Variants in GPR39 observed in about 807,000 individuals in gnomAD.
GPR39 encodes G protein-coupled receptor 39.
A neutral mutation model predicts 18.4 loss-of-function variants in GPR39; 23 were observed. The observed-to-expected ratio is 1.25, with a 90% CI of 0.90 to 1.77. The LOEUF (loss-of-function observed/expected upper bound fraction) is 1.77. GPR39 is among the 40% of genes most tolerant of loss of function. The pLI is 0.00. For missense variants in GPR39, 647 were observed against 602.4 expected (o/e 1.07, Z -0.78); for synonymous variants, 280 against 257.9 (o/e 1.09, Z -0.82).
At chr2:132,634,111 A>G (rs946170315) in intron 1 of GPR39, among the ~76,000 whole-genome samples, 6 of 145,364 alleles carry the variant, frequency 4.1e-5, no homozygotes, top group Non-Finnish European at 7.4e-5. Context: ...GGTGATGATG[A>G]TGGTGGCCAT....
At chr2:132,439,877 C>G (rs188902065) in intron 1 of GPR39, among the ~76,000 whole-genome samples, 8 of 152,324 alleles carry the variant, frequency 5.3e-5, no homozygotes, top group Admixed American at 3.9e-4. Context: ...CACCGCTGGA[C>G]TGCTTGTGCT....
chr2:132,533,882 A>C (rs1408743805), intron 1 of GPR39, among the ~76,000 whole-genome samples: 1 of 152,234 alleles, frequency 6.6e-6, no homozygotes, highest in East Asian at 1.9e-4. Context: ...CTAAAACCAT[A>C]AAAACCCTAG....
chr2:132,477,528 T>A (rs973447204), intron 1 of GPR39, among the ~76,000 whole-genome samples: 7 of 151,972 alleles, frequency 4.6e-5, no homozygotes, highest in Non-Finnish European at 1.0e-4. Flanking sequence ...AATGTGCCAA[T>A]GCACTCCAGC....
chr2:132,503,904 C>T (rs1250399700), intron 1 of GPR39, among the ~76,000 whole-genome samples: 1 of 152,192 alleles, frequency 6.6e-6, no homozygotes, highest in African/African-American at 2.4e-5. Context: ...TAGGCCTCAC[C>T]CTGCTCCAAG....
At chr2:132,428,327 G>C (rs1043479739) in intron 1 of GPR39, among the ~76,000 whole-genome samples, 2 of 152,190 alleles carry the variant, frequency 1.3e-5, no homozygotes, top group African/African-American at 4.8e-5. Context: ...AGATCAAAAT[G>C]CTGGTTCCTC....
intron 1 of GPR39, among the ~76,000 whole-genome samples, chr2:132,555,811 T>A (rs142673832): frequency 1.3e-5 from 2 of 152,338 alleles, no homozygotes; most frequent in East Asian, 3.9e-4. Context: ...AATTTGTTGA[T>A]GACATGATTG....
intron 1 of GPR39, among the ~76,000 whole-genome samples, chr2:132,513,915 A>C (rs1558822463): frequency 6.6e-6 from 1 of 152,166 alleles, no homozygotes; most frequent in Non-Finnish European, 1.5e-5. Context: ...GGTTTTTGCC[A>C]TATTGCCTAG....
intron 1 of GPR39, among the ~76,000 whole-genome samples, chr2:132,554,656 G>A (rs970266414): frequency 4.6e-5 from 7 of 152,272 alleles, no homozygotes; most frequent in Non-Finnish European, 1.0e-4. Flanking sequence ...AAAAGCCAAG[G>A]AAGTATGTCA....
intron 1 of GPR39, among the ~76,000 whole-genome samples, chr2:132,611,616 G>C (rs1399302889): frequency 7.5e-6 from 1 of 133,540 alleles, no homozygotes; most frequent in African/African-American, 3.0e-5. Flanking sequence ...AAGACCTGGA[G>C]TTTGATTTGC....
intron 1 of GPR39, among the ~76,000 whole-genome samples, chr2:132,607,893 A>G (rs754396371): frequency 4.6e-5 from 7 of 152,234 alleles, no homozygotes; most frequent in Non-Finnish European, 8.8e-5. Context: ...GTTTCAAAAC[A>G]GTGAGGATCT....
At chr2:132,535,712 G>GTTTTTTTTTTTTTTTTTTTTTTT (rs1553454959) in intron 1 of GPR39, among the ~76,000 whole-genome samples, 1 of 49,022 alleles carries the variant, frequency 2.0e-5, no homozygotes, top group African/African-American at 8.5e-5. Context: ...TTTTTGGTTG[G>GTTTTTTTTTTTTTTTTTTTTTTT]TAGGCTATTA....
chr2:132,596,406 C>T (rs574313516), intron 1 of GPR39, among the ~76,000 whole-genome samples: 1 of 151,844 alleles, frequency 6.6e-6, no homozygotes, highest in Non-Finnish European at 1.5e-5. Context: ...TGGTGTTCTT[C>T]CTCTTCTTTC....
chr2:132,585,891 G>A lies in GPR39; in HGVS notation c.857-59210G>A, dbSNP rs912390262. Among the ~76,000 whole-genome samples, 3 of 151,788 alleles carry A rather than the reference G, an allele frequency of 2.0e-5. No homozygotes were observed. The South Asian group carries it at 6.3e-4, about 32-fold the overall frequency. ...ATGTTGTTGTTATCGTGGGGTACCCGAGGGGGCCAAAGAGAGAAATCAACA... is the reference window on the plus strand; with the variant it reads ...ATGTTGTTGTTATCGTGGGGTACCCAAGGGGGCCAAAGAGAGAAATCAACA... On this transcript the variant is annotated intron_variant, in intron 1 of 1. Coordinates refer to ENST00000329321, the MANE Select transcript of GPR39 (RefSeq NM_001508.3).
intron 1 of GPR39, among the ~76,000 whole-genome samples, chr2:132,430,489 G>A (rs1391979264): frequency 1.3e-5 from 2 of 152,202 alleles, no homozygotes; most frequent in East Asian, 3.8e-4. Flanking sequence ...AGTATGGGAG[G>A]TAGCTCACTG....
chr2:132,492,988 A>G (rs1027453517), intron 1 of GPR39, among the ~76,000 whole-genome samples: 22 of 141,320 alleles, frequency 1.6e-4, no homozygotes, highest in Non-Finnish European at 3.0e-4. Context: ...CCATATATAC[A>G]CCATAGATAT....
intron 1 of GPR39, among the ~76,000 whole-genome samples, chr2:132,571,314 T>C (rs1680437563): frequency 6.6e-6 from 1 of 152,190 alleles, no homozygotes; most frequent in African/African-American, 2.4e-5. Flanking sequence ...TGAATTGGTA[T>C]GTAAATTCAG....
At chr2:132,511,319 C>T (rs1277087668) in intron 1 of GPR39, among the ~76,000 whole-genome samples, 2 of 152,104 alleles carry the variant, frequency 1.3e-5, no homozygotes, top group Non-Finnish European at 2.9e-5. Context: ...AAACTGTGTG[C>T]TTCACTTGGC....
intron 1 of GPR39, among the ~76,000 whole-genome samples, chr2:132,607,999 A>C (rs780480675): frequency 2.7e-4 from 41 of 152,166 alleles, no homozygotes; most frequent in Non-Finnish European, 4.7e-4. Context: ...TTTTGGGCCT[A>C]TAATGAACCC....
At chr2:132,566,647 A>G (rs1680353964) in intron 1 of GPR39, among the ~76,000 whole-genome samples, 1 of 152,078 alleles carries the variant, frequency 6.6e-6, no homozygotes. Context: ...AAGAGAAAAA[A>G]CTCAGTATTG....
Sources: gnomAD v4.1 joint callset for allele counts (sites outside exome capture counted in the v4.1 genomes callset) on GRCh38, gnomAD v4.1.1 for gene constraint, MANE v1.5 for transcripts, NCBI Gene and HGNC (gene_info 2026-07-23, HGNC 2026-07-21) for gene names.